TTC27: variants seen among roughly 807,000 people sequenced by gnomAD.
The protein encoded by TTC27 is tetratricopeptide repeat protein 27.
TTC27 carries 79 observed loss-of-function variants against 115.9 expected under a neutral mutation model. That is an observed-to-expected ratio of 0.68 (90% CI 0.57 to 0.82). TTC27 has a LOEUF of 0.82. Among genes scored for constraint, TTC27 ranks in the 40% least tolerant of loss-of-function variants. TTC27 has a pLI of 0.00. For missense variants in TTC27, 1,054 were observed against 993.1 expected, an observed-to-expected ratio of 1.06 and a Z score of -0.82; for synonymous variants, 401 against 356.0, an observed-to-expected ratio of 1.13 and a Z score of -1.42.
intron 16 of TTC27, among the ~76,000 whole-genome samples, chr2:32,809,197 C>T (rs1188330810): frequency 6.6e-6 from 1 of 152,228 alleles, no homozygotes; most frequent in Non-Finnish European, 1.5e-5. Context: ...ATGCACGGAT[C>T]AGAATGTTCT....
At chr2:32,699,971 C>G (rs866189639) in intron 9 of TTC27, among the ~76,000 whole-genome samples, 1 of 152,168 alleles carries the variant, frequency 6.6e-6, no homozygotes, top group Non-Finnish European at 1.5e-5. Flanking sequence ...TTTGGGACAA[C>G]CTTTTTAAAG....
chr2:32,781,051 C>T (rs140856603), intron 14 of TTC27, among the ~76,000 whole-genome samples: 2 of 152,238 alleles, frequency 1.3e-5, no homozygotes, highest in African/African-American at 2.4e-5. Flanking sequence ...TTCATTGGCA[C>T]TTACAGTAAG....
chr2:32,751,258 C>CCA (rs56183534), intron 12 of TTC27, among the ~76,000 whole-genome samples: 41,242 of 140,506 alleles, frequency 0.29, 6,089 homozygotes, highest in Non-Finnish European at 0.35. Context: ...GTAGGTTAAA[C>CCA]CACACACACA....
intron 16 of TTC27, among the ~76,000 whole-genome samples, chr2:32,799,338 T>A (rs182827908): frequency 6.6e-6 from 1 of 152,320 alleles, no homozygotes; most frequent in Non-Finnish European, 1.5e-5. Flanking sequence ...ATGAATGTAT[T>A]TAATACTGAT....
intron 12 of TTC27, among the ~76,000 whole-genome samples, chr2:32,755,327 T>C (rs1010249667): frequency 2.0e-5 from 3 of 152,168 alleles, no homozygotes; most frequent in South Asian, 4.1e-4. Flanking sequence ...CCTTCTGCAA[T>C]CCCGGCACCT....
intron 7 of TTC27, among the ~76,000 whole-genome samples, chr2:32,668,568 T>TCCTTCCTC (rs1164657921): frequency 3.6e-5 from 1 of 28,136 alleles, no homozygotes; most frequent in Non-Finnish European, 8.9e-5. Context: ...CTCCCTTCCT[T>TCCTTCCTC]CCTTCCTTCC....
intron 9 of TTC27, among the ~76,000 whole-genome samples, chr2:32,683,209 C>T (rs531828240): frequency 3.7e-4 from 57 of 152,016 alleles, no homozygotes; most frequent in African/African-American, 1.3e-3. Flanking sequence ...AGGCTAGTCT[C>T]GAACTCCTGA....
rs373145365 is a variant in TTC27 at position 32,778,008 on chromosome 2, C to T, written c.1779+28C>T. The T allele has an allele frequency of 4.1e-5, 66 of 1,605,190 alleles. No individual in the cohort carries two copies. The Middle Eastern group carries it at 4.9e-4, about 12-fold the overall frequency. ...AAGTTTGTTTGATCTTCTGTCCTTA[C>T]GTGGCTCTTTACTCTCTAAGTTGTT... On this transcript the variant is annotated intron_variant, in intron 14 of 19. Coordinates refer to ENST00000317907, the MANE Select transcript of TTC27 (RefSeq NM_017735.5).
intron 10 of TTC27, among the ~76,000 whole-genome samples, chr2:32,728,777 G>A (rs1668197172): frequency 6.6e-6 from 1 of 152,122 alleles, no homozygotes; most frequent in African/African-American, 2.4e-5. Flanking sequence ...TAAGTTTAAT[G>A]ATGGTGTTGA....
rs756327173 is a variant in TTC27, at chr2:32,755,465, C to T, written c.1453-2827C>T. ...AGGCGTGGCAGCGCGTGCCTGCAATCGCAGACACTCGGCAGGCTGAGGCAG... is the reference window on the plus strand; with the variant it reads ...AGGCGTGGCAGCGCGTGCCTGCAATTGCAGACACTCGGCAGGCTGAGGCAG... On this transcript the variant is annotated intron_variant, in intron 12 of 19. Coordinates refer to ENST00000317907, the MANE Select transcript of TTC27 (RefSeq NM_017735.5). 5.3e-5 allele frequency among the ~76,000 whole-genome samples: 8 copies of T among 152,330 alleles called. No individual in the cohort carries two copies. In the East Asian group the frequency reaches 5.8e-4, roughly 11 times the overall value.
In TTC27 at chr2:32,628,081, G is replaced by A. The variant is rs1015690735; in HGVS notation, c.-212G>A. On this transcript the variant is annotated 5_prime_UTR_variant, in exon 1 of 20. It adds an upstream start codon to the 5' untranslated region. Transcript: ENST00000317907. ...CTAGGCGGAAGCCAGACCAGAGAGC[G>A]TGCGTGTTTTTCCCAGGGTGCCCCG... 1 of 549,456 alleles carries A rather than the reference G, an allele frequency of 1.8e-6. No individual in the cohort carries two copies. The highest frequency in any genetic ancestry group is 2.1e-5 in the South Asian group (1 of 47,886). The allele number at this position is 549,456 out of a possible 1,614,324, so 34.0% of individuals were successfully genotyped here. A position where few individuals can be genotyped will look rare whatever the true frequency, so the allele number is the denominator to read the frequency against.
At chr2:32,770,831 T>G (rs1669805210) in intron 13 of TTC27, among the ~76,000 whole-genome samples, 1 of 152,218 alleles carries the variant, frequency 6.6e-6, no homozygotes. Context: ...ATCGTTTCTG[T>G]TTTGAACTTA....
Position 32,671,179 on chromosome 2 carries a change from A to G in TTC27, c.940-1093A>G, listed in dbSNP as rs1403681111. 3.3e-5 allele frequency among the ~76,000 whole-genome samples: 5 copies of G among 152,096 alleles called. No individual in the cohort carries two copies. The East Asian group carries it at 9.6e-4, about 29-fold the overall frequency. On this transcript the variant is annotated intron_variant, in intron 7 of 19. Transcript: ENST00000317907. Reference sequence around the variant, plus strand: ...ACTGCCTTTCCATCTCAGGGTTACAAAGTTTTTTTTAATGTTTTCTTCTAG... The same window carrying G: ...ACTGCCTTTCCATCTCAGGGTTACAGAGTTTTTTTTAATGTTTTCTTCTAG...
chr2:32,736,648 C>T, intron 11 of TTC27, 46 bp from the exon 12 acceptor site: 1 of 1,611,118 alleles, frequency 6.2e-7, no homozygotes, highest in South Asian at 1.1e-5. Flanking sequence ...ACAGGAATCT[C>T]TTTTTACACC....
intron 10 of TTC27, among the ~76,000 whole-genome samples, chr2:32,726,098 T>A (rs1668100739): frequency 6.6e-6 from 1 of 151,890 alleles, no homozygotes. Flanking sequence ...AACCACTCTT[T>A]CCTCCTGGGC....
At chr2:32,815,351 C>G (rs200713874) in intron 18 of TTC27, among the ~76,000 whole-genome samples, 1 of 149,594 alleles carries the variant, frequency 6.7e-6, no homozygotes, top group African/African-American at 2.5e-5. Flanking sequence ...ATTCTCCTGC[C>G]TCAGCCTCCC....
chr2:32,730,884 A>G (rs1018137839), intron 10 of TTC27, among the ~76,000 whole-genome samples: 1 of 152,024 alleles, frequency 6.6e-6, no homozygotes, highest in African/African-American at 2.4e-5. Flanking sequence ...GGCCTCCCAA[A>G]GTGCTGGGAT....
chr2:32,755,015 C>T (rs1305508939), intron 12 of TTC27, among the ~76,000 whole-genome samples: 1 of 151,816 alleles, frequency 6.6e-6, no homozygotes, highest in Non-Finnish European at 1.5e-5. Context: ...CTCCTCACTT[C>T]TCAGATGGGG....
intron 10 of TTC27, among the ~76,000 whole-genome samples, chr2:32,727,053 A>G (rs954817896): frequency 1.3e-5 from 2 of 152,188 alleles, no homozygotes; most frequent in Admixed American, 6.5e-5. Context: ...CCCTCCCACA[A>G]CATGTGGGAA....
Sources: allele counts gnomAD v4.1 joint callset (sites outside exome capture counted in the v4.1 genomes callset), GRCh38; gene constraint gnomAD v4.1.1; transcripts MANE v1.5; gene names NCBI Gene and HGNC (gene_info 2026-07-23, HGNC 2026-07-21).